GPHN: variants seen among roughly 807,000 people sequenced by gnomAD.
The protein encoded by GPHN is gephyrin.
In GPHN, 17 loss-of-function variants were observed where a neutral mutation model predicts 95.5. The observed-to-expected ratio is 0.18, with a 90% CI of 0.12 to 0.27. The LOEUF (loss-of-function observed/expected upper bound fraction) is 0.27, where lower values mean the gene tolerates loss of function less well. GPHN is among the 10% of genes least tolerant of loss of function. GPHN has a pLI of 1.00. For synonymous variants in GPHN, 320 were observed against 322.5 expected, an observed-to-expected ratio of 0.99 and a Z score of 0.08; for missense variants, 660 against 978.1, an observed-to-expected ratio of 0.67 and a Z score of 4.34.
At chr14:67,572,152 C>T in the GPHN span, 1 of 1,607,114 alleles carries the variant, frequency 6.2e-7, no homozygotes, top group Non-Finnish European at 8.5e-7. Context: ...CATGTCCTCA[C>T]TGAGCTCCGA....
At position 66,789,766 on chromosome 14, in the gene GPHN, G is replaced by A. The variant is rs528620593; in HGVS notation, c.201+13245G>A. ...GGAATCTTCTCTCTTAGTGAGGGGTGGGGACATCATCATACCTTCCAGGTG... is the reference window on the plus strand; with the variant it reads ...GGAATCTTCTCTCTTAGTGAGGGGTAGGGACATCATCATACCTTCCAGGTG... On this transcript the variant is annotated intron_variant, in intron 3 of 22. Coordinates refer to ENST00000478722, the MANE Select transcript of GPHN (RefSeq NM_020806.5). 1.1e-4 allele frequency among the ~76,000 whole-genome samples: 17 copies of A among 152,292 alleles called. No individual in the cohort carries two copies. In the South Asian group the frequency reaches 3.3e-3, roughly 30 times the overall value.
chr14:67,095,790 G>C (rs1049183060), intron 12 of GPHN, among the ~76,000 whole-genome samples: 16 of 151,968 alleles, frequency 1.1e-4, no homozygotes, highest in African/African-American at 3.4e-4. Context: ...GGGGTGGGGG[G>C]AGCAGGGAGG....
the GPHN span, chr14:67,690,191 A>T: frequency 6.2e-7 from 1 of 1,605,668 alleles, no homozygotes. Flanking sequence ...ATGTCTCCAC[A>T]TTCATTTCCT....
At chr14:66,555,656 T>A (rs2059982766) in intron 1 of GPHN, among the ~76,000 whole-genome samples, 2 of 152,172 alleles carry the variant, frequency 1.3e-5, no homozygotes, top group Admixed American at 1.3e-4. Flanking sequence ...ATAGAACTGT[T>A]ATCCCCTAAC....
chr14:67,134,071 T>G (rs2079892020), intron 17 of GPHN, among the ~76,000 whole-genome samples: 1 of 152,238 alleles, frequency 6.6e-6, no homozygotes, highest in Admixed American at 6.5e-5. Flanking sequence ...AGTCATTGTG[T>G]TTATGTAACT....
chr14:66,971,067 G>A (rs2069731041), intron 9 of GPHN, among the ~76,000 whole-genome samples: 1 of 152,166 alleles, frequency 6.6e-6, no homozygotes, highest in African/African-American at 2.4e-5. Context: ...CAGGCATGGT[G>A]GCTGTAATCC....
intron 12 of GPHN, among the ~76,000 whole-genome samples, chr14:67,098,415 G>A (rs2077507671): frequency 6.6e-6 from 1 of 152,144 alleles, no homozygotes; most frequent in African/African-American, 2.4e-5. Context: ...TAGTAATTTT[G>A]CTGAGAGTCC....
the GPHN span, among the ~76,000 whole-genome samples, chr14:67,670,940 A>C: frequency 7.6e-4 from 116 of 152,242 alleles, no homozygotes; most frequent in Non-Finnish European, 1.5e-3. Flanking sequence ...ACAGAGCATA[A>C]GCTACATGCA....
chr14:67,725,189 T>C, the GPHN span: 19 of 1,614,206 alleles, frequency 1.2e-5, no homozygotes, highest in Admixed American at 2.0e-4. Context: ...TCCCAGGTGC[T>C]GGTGCGGAAA....
the GPHN span, chr14:67,576,077 C>A: frequency 8.2e-7 from 1 of 1,224,290 alleles, no homozygotes; most frequent in Non-Finnish European, 1.2e-6. The surrounding 1 kb of genome is among the most constrained non-coding windows in gnomAD (Gnocchi z 4.0). Flanking sequence ...TCTCTTTCTC[C>A]TGAGCTTCCC....
chr14:67,264,497 A>G, the GPHN span, among the ~76,000 whole-genome samples: 2 of 152,096 alleles, frequency 1.3e-5, no homozygotes, highest in East Asian at 3.8e-4. Flanking sequence ...GCAGTTTTGC[A>G]CTTTCTGATC....
chr14:67,574,498 C>A, the GPHN span: 4 of 1,015,256 alleles, frequency 3.9e-6, no homozygotes, highest in African/African-American at 1.6e-5. The surrounding 1 kb of genome is among the most constrained non-coding windows in gnomAD (Gnocchi z 4.2). Context: ...CCCCCTTATA[C>A]GGGGCTCCTT....
intron 19 of GPHN, among the ~76,000 whole-genome samples, chr14:67,161,485 A>G (rs2081977883): frequency 6.6e-6 from 1 of 151,944 alleles, no homozygotes. Context: ...AATTGGGCCG[A>G]GTGCAGTGGC....
At chr14:66,922,011 T>C (rs527341816) in intron 6 of GPHN, among the ~76,000 whole-genome samples, 15 of 152,234 alleles carry the variant, frequency 9.9e-5, no homozygotes, top group Admixed American at 2.0e-4. Flanking sequence ...TAGCCCTATG[T>C]AGGAGAATGA....
At chr14:66,895,918 A>G (rs993938020) in intron 5 of GPHN, among the ~76,000 whole-genome samples, 3 of 152,194 alleles carry the variant, frequency 2.0e-5, no homozygotes, top group African/African-American at 7.2e-5. Context: ...AAAATACCTT[A>G]GACTGGGTAA....
At chr14:67,643,852 T>TAA in the GPHN span, among the ~76,000 whole-genome samples, 7,853 of 80,612 alleles carry the variant, frequency 0.097, 694 homozygotes, top group African/African-American at 0.14. Flanking sequence ...TCCTTGGGAG[T>TAA]AAAAAAAAAA....
At chr14:66,885,485 G>A (rs542348230) in intron 5 of GPHN, among the ~76,000 whole-genome samples, 1 of 152,188 alleles carries the variant, frequency 6.6e-6, no homozygotes, top group East Asian at 1.9e-4. Flanking sequence ...GACAGAATGG[G>A]TAATTAAGGA....
chr14:67,562,886 T>G, the GPHN span: 1 of 1,612,114 alleles, frequency 6.2e-7, no homozygotes, highest in East Asian at 2.2e-5. Context: ...GCACCAGTTT[T>G]CATCCTGGGT....
chr14:66,816,494 G>T (rs1037097982), intron 3 of GPHN, among the ~76,000 whole-genome samples: 22 of 152,130 alleles, frequency 1.4e-4, no homozygotes, highest in South Asian at 6.2e-4. Flanking sequence ...TTAAGACTGA[G>T]AAATTTACTC....
Sources: allele counts gnomAD v4.1 joint callset (sites outside exome capture counted in the v4.1 genomes callset), GRCh38; gene constraint gnomAD v4.1.1; non-coding constraint Gnocchi (gnomAD v3.1); transcripts MANE v1.5; gene names NCBI Gene and HGNC (gene_info 2026-07-23, HGNC 2026-07-21).